The following INPP5B variants were observed in gnomAD, a reference collection of about 807,000 sequenced individuals.
INPP5B encodes type II inositol 1,4,5-trisphosphate 5-phosphatase.
In INPP5B, 90 loss-of-function variants were observed where a neutral mutation model predicts 118.5. That is an observed-to-expected ratio of 0.76 (90% CI 0.64 to 0.90). The LOEUF (loss-of-function observed/expected upper bound fraction) is 0.90. Among genes scored for constraint, INPP5B ranks in the 40% least tolerant of loss-of-function variants. The pLI is 0.00. For missense variants in INPP5B, 984 were observed against 1,125.6 expected (o/e 0.87, Z 1.80); for synonymous variants, 385 against 418.9 (o/e 0.92, Z 0.99).
At chr1:37,898,659 C>T (rs910265445) in intron 7 of INPP5B, among the ~76,000 whole-genome samples, 1 of 150,672 alleles carries the variant, frequency 6.6e-6, no homozygotes, top group African/African-American at 2.4e-5. Flanking sequence ...CGCGCCACTG[C>T]ACTCTGGCCT....
At chr1:37,898,357 G>C (rs1570179412) in intron 7 of INPP5B, among the ~76,000 whole-genome samples, 1 of 152,098 alleles carries the variant, frequency 6.6e-6, no homozygotes, top group Non-Finnish European at 1.5e-5. Context: ...GGTGATACAT[G>C]GTAGTATCTA....
At chr1:37,873,409 A>C (rs1642592799) in intron 18 of INPP5B, 1 of 509,536 alleles carries the variant, frequency 2.0e-6, no homozygotes, top group Non-Finnish European at 3.5e-6. Context: ...TATAAAATTC[A>C]AGCACTAAGG....
intron 7 of INPP5B, among the ~76,000 whole-genome samples, chr1:37,905,959 C>T (rs373982867): frequency 6.6e-6 from 1 of 151,992 alleles, no homozygotes; most frequent in African/African-American, 2.4e-5. Context: ...AAATTTAGAC[C>T]GTATTTGTTT....
intron 6 of INPP5B, 142 bp downstream of exon 6, chr1:37,940,546 G>A (rs1400925317): frequency 2.0e-5 from 12 of 593,836 alleles, no homozygotes; most frequent in Non-Finnish European, 3.6e-5. Context: ...GGCAGCCTGG[G>A]GGCACTATGG....
chr1:37,938,295 A>AAATAAATAAATAAATC (rs1553162613), intron 6 of INPP5B, among the ~76,000 whole-genome samples: 7 of 151,248 alleles, frequency 4.6e-5, no homozygotes, highest in African/African-American at 7.2e-5. Context: ...ATAAATAAAT[A>AAATAAATAAATAAATC]AATAAATAAA....
intron 4 of INPP5B, 62 bp from the exon 5 acceptor site, chr1:37,943,731 C>T (rs980073501): frequency 6.2e-7 from 1 of 1,612,386 alleles, no homozygotes; most frequent in African/African-American, 1.3e-5. Flanking sequence ...GCCCCCCCAT[C>T]AAGGACAAAG....
At chr1:37,891,807 A>C (rs1311086622) in intron 7 of INPP5B, among the ~76,000 whole-genome samples, 5 of 152,200 alleles carry the variant, frequency 3.3e-5, no homozygotes, top group Non-Finnish European at 7.3e-5. Context: ...AAATAAATAA[A>C]TGAAACATAC....
At chr1:37,928,075 A>G (rs918734772) in intron 7 of INPP5B, among the ~76,000 whole-genome samples, 9 of 152,014 alleles carry the variant, frequency 5.9e-5, no homozygotes, top group Non-Finnish European at 1.3e-4. Context: ...GGCCAACCCT[A>G]TACTCTCTTA....
At chr1:37,900,950 T>C (rs997476809) in intron 7 of INPP5B, among the ~76,000 whole-genome samples, 3 of 152,054 alleles carry the variant, frequency 2.0e-5, no homozygotes, top group Admixed American at 2.0e-4. Context: ...TAGCTGGGAT[T>C]ACAGGCATGC....
At chr1:37,946,133 AT>A in intron 2 of INPP5B, 118 bp downstream of exon 2, 1 of 969,350 alleles carries the variant, frequency 1.0e-6, no homozygotes, top group Non-Finnish European at 1.6e-6. Flanking sequence ...GTAAATACTG[AT>A]TTCCTTCTCC....
chr1:37,896,509 G>T (rs535105996), intron 7 of INPP5B, among the ~76,000 whole-genome samples: 1 of 146,574 alleles, frequency 6.8e-6, no homozygotes, highest in African/African-American at 2.5e-5. Context: ...CGCCCCGTCC[G>T]GCAGGTGAGG....
In INPP5B at chr1:37,880,423, T is replaced by TTTTATTTATTTA. The variant is rs71278742; in HGVS notation, c.1432-241_1432-230dup. 4.9e-3 allele frequency among the ~76,000 whole-genome samples: 728 copies of TTTTATTTATTTA among 149,830 alleles called. 4 individuals are homozygous for TTTTATTTATTTA. Among genetic ancestry groups the TTTTATTTATTTA allele is most frequent in the Middle Eastern group, 0.01 (3 of 290 alleles). Reference sequence around the variant, plus strand: ...TTTTTTATTTTTTAAGTTTTTAATGTTTTATTTATTTATTTATTTATTTAT... The same window carrying TTTTATTTATTTA: ...TTTTTTATTTTTTAAGTTTTTAATGTTTTATTTATTTATTTATTTATTTATTTATTTATTTAT... On this transcript the variant is annotated intron_variant, in intron 14 of 23. Transcript: ENST00000373024.
Position 37,945,763 on chromosome 1 carries a change from C to A in INPP5B, c.145G>T (p.Glu49Ter), listed in dbSNP as rs774785526. 6.2e-7 allele frequency: 1 copy of A among 1,613,628 alleles called. No individual in the cohort carries two copies. Among genetic ancestry groups the A allele is most frequent in the Non-Finnish European group, 8.5e-7 (1 of 1,179,668 alleles). ...VRYRLEHGGQ[E>*]HALFLYTHRR... The stretch of plus-strand genomic sequence containing the variant: ...ACCAAGCCCCTCACTCACGCGTGTT[C>A]CTGGCCGCCGTGCTCCAGGCGGTAG... The change falls in exon 3 of 24, where the codon GAA (glutamate) becomes TAA (stop). Residue 49 changes from glutamate (E) to a stop codon, truncating the protein, a stop_gained. Transcript: ENST00000373024. LOFTEE classifies it high-confidence loss of function.
intron 3 of INPP5B, 70 bp from the exon 4 acceptor site, chr1:37,943,963 G>T: frequency 1.7e-6 from 2 of 1,151,778 alleles, no homozygotes; most frequent in Non-Finnish European, 2.6e-6. Context: ...TGGAGGTCTC[G>T]GGGTGCTCAC....
At chr1:37,874,313 A>G (rs1642655015) in intron 17 of INPP5B, among the ~76,000 whole-genome samples, 158 bp from the exon 18 acceptor site, 1 of 152,200 alleles carries the variant, frequency 6.6e-6, no homozygotes, top group Admixed American at 6.6e-5. Context: ...AGTTCCCACT[A>G]AAGACTAGTT....
At chr1:37,897,112 G>A (rs1418702725) in intron 7 of INPP5B, among the ~76,000 whole-genome samples, 1 of 150,376 alleles carries the variant, frequency 6.6e-6, no homozygotes, top group Non-Finnish European at 1.5e-5. Flanking sequence ...GGGAGGTCGG[G>A]GGGGTCAGAC....
intron 7 of INPP5B, among the ~76,000 whole-genome samples, chr1:37,915,545 A>C (rs1557691488): frequency 6.6e-6 from 1 of 152,230 alleles, no homozygotes; most frequent in Non-Finnish European, 1.5e-5. Flanking sequence ...TGAGGATGGT[A>C]GTTAATGAGC....
At chr1:37,888,643 C>T (rs769860706) in intron 9 of INPP5B, among the ~76,000 whole-genome samples, 6 of 152,142 alleles carry the variant, frequency 3.9e-5, no homozygotes, top group Admixed American at 1.3e-4. Flanking sequence ...CTTGTATATA[C>T]TACTGAAATG....
At chr1:37,918,114 T>C (rs1026425311) in intron 7 of INPP5B, among the ~76,000 whole-genome samples, 1 of 152,128 alleles carries the variant, frequency 6.6e-6, no homozygotes, top group Non-Finnish European at 1.5e-5. Context: ...CAGAGAGAGT[T>C]AGTCATCCAT....
Sources: gnomAD v4.1 joint callset for allele counts (sites outside exome capture counted in the v4.1 genomes callset) on GRCh38, gnomAD v4.1.1 for gene constraint, MANE v1.5 for transcripts, NCBI Gene and HGNC (gene_info 2026-07-23, HGNC 2026-07-21) for gene names.